SAMD12: variants seen among roughly 807,000 people sequenced by gnomAD.
The protein encoded by SAMD12 is sterile alpha motif domain-containing protein 12.
A neutral mutation model predicts 15.0 loss-of-function variants in SAMD12; 9 were observed. That is an observed-to-expected ratio of 0.60 (90% confidence interval 0.36 to 1.05). The LOEUF is 1.05. SAMD12 is among the 50% of genes least tolerant of loss of function. SAMD12 has a pLI of 0.01. For missense variants in SAMD12, 230 were observed against 234.2 expected (o/e 0.98, Z 0.12); for synonymous variants, 86 against 90.1 (o/e 0.96, Z 0.25).
Position 118,605,765 on chromosome 8 carries a change from AATATATATATATATATATATATATATAT to A in SAMD12, c.13+16011_13+16038del, listed in dbSNP as rs55785102. ...GTATGGCTGAAAACAAACCCATCACAATATATATATATATATATATATATATATATATATATATATATATATATATATA... is the reference window on the plus strand; with the variant it reads ...GTATGGCTGAAAACAAACCCATCACAATATATATATATATATATATATATA... On this transcript the variant is annotated intron_variant, in intron 1 of 3. Transcript: ENST00000314727. 9.6e-4 allele frequency among the ~76,000 whole-genome samples: 123 copies of A among 127,576 alleles called. 2 individuals carry two copies. Among genetic ancestry groups the A allele is most frequent in the African/African-American group, 2.5e-3 (86 of 34,456 alleles). The allele number at this position is 127,576 out of a possible 152,430, so 83.7% of individuals were successfully genotyped here.
intron 4 of SAMD12, among the ~76,000 whole-genome samples, chr8:118,281,370 T>C (rs1813642627): frequency 6.6e-6 from 1 of 152,200 alleles, no homozygotes; most frequent in Non-Finnish European, 1.5e-5. Flanking sequence ...CCGTGTGCAG[T>C]GGCTCCGAGG....
chr8:118,519,920 T>C (rs1452104788), intron 2 of SAMD12, among the ~76,000 whole-genome samples: 1 of 152,188 alleles, frequency 6.6e-6, no homozygotes, highest in Non-Finnish European at 1.5e-5. Flanking sequence ...ACCTTTAAGC[T>C]CAGAGCATTG....
chr8:118,236,399 G>A (rs775634352), intron 4 of SAMD12, among the ~76,000 whole-genome samples: 3 of 152,132 alleles, frequency 2.0e-5, no homozygotes, highest in Non-Finnish European at 4.4e-5. Context: ...TGCCTCAACC[G>A]TGAAAGAGTG....
At chr8:118,546,912 G>C (rs137943397) in intron 2 of SAMD12, among the ~76,000 whole-genome samples, 1 of 152,196 alleles carries the variant, frequency 6.6e-6, no homozygotes, top group East Asian at 1.9e-4. Context: ...CCAAATTCAG[G>C]CATTTAATTA....
intron 2 of SAMD12, among the ~76,000 whole-genome samples, chr8:118,577,452 G>A (rs1827181595): frequency 6.6e-6 from 1 of 152,114 alleles, no homozygotes; most frequent in African/African-American, 2.4e-5. Context: ...ACAGACTCTA[G>A]CATTGCCTGT....
At chr8:118,482,466 A>T (rs6469749) in intron 2 of SAMD12, among the ~76,000 whole-genome samples, 142,078 of 151,448 alleles carry the variant, frequency 0.94, 66,729 homozygotes, top group African/African-American at 0.95. Context: ...GGAAATATAT[A>T]TTTTTTTTAA....
At chr8:118,432,510 C>A (rs193289081) in intron 3 of SAMD12, among the ~76,000 whole-genome samples, 1 of 152,198 alleles carries the variant, frequency 6.6e-6, no homozygotes, top group Non-Finnish European at 1.5e-5. Context: ...AACCTGGGAA[C>A]CTAAACAGGA....
downstream of SAMD12, among the ~76,000 whole-genome samples, chr8:118,376,721 T>C (rs971717761): frequency 5.9e-5 from 9 of 152,150 alleles, no homozygotes; most frequent in African/African-American, 2.2e-4. Context: ...TCACCCTCTT[T>C]AAGAGGGAAG....
the SAMD12 span, among the ~76,000 whole-genome samples, chr8:118,163,730 C>G: frequency 3.0e-4 from 45 of 152,264 alleles, no homozygotes; most frequent in Admixed American, 9.8e-4. Flanking sequence ...AAAAAATTAG[C>G]CAGGCGCGGT....
intron 2 of SAMD12, among the ~76,000 whole-genome samples, chr8:118,458,130 C>A (rs1823314217): frequency 6.6e-6 from 1 of 152,192 alleles, no homozygotes; most frequent in South Asian, 2.1e-4. Flanking sequence ...AGACACACCA[C>A]AAATGCAGTT....
At chr8:118,400,094 C>A (rs996539555) in intron 3 of SAMD12, among the ~76,000 whole-genome samples, 2 of 152,150 alleles carry the variant, frequency 1.3e-5, no homozygotes, top group African/African-American at 4.8e-5. Flanking sequence ...ACTTGAGCAC[C>A]ATGTAAATCA....
chr8:118,373,706 G>A (rs766109448), downstream of SAMD12, among the ~76,000 whole-genome samples: 3 of 152,070 alleles, frequency 2.0e-5, no homozygotes, highest in South Asian at 6.2e-4. Context: ...GAATAATTAT[G>A]AAGGCATATG....
the SAMD12 span, among the ~76,000 whole-genome samples, chr8:118,182,698 A>G: frequency 2.6e-5 from 4 of 152,224 alleles, no homozygotes; most frequent in African/African-American, 9.6e-5. Context: ...TTGGTTTCCT[A>G]CTAAAGCCAT....
At chr8:118,327,233 T>C (rs1295188674) in intron 4 of SAMD12, among the ~76,000 whole-genome samples, 1 of 152,184 alleles carries the variant, frequency 6.6e-6, no homozygotes, top group Non-Finnish European at 1.5e-5. Context: ...CTGACAGAGA[T>C]CCAAATAATT....
chr8:118,351,324 C>G lies in SAMD12; in HGVS notation c.433+28236G>C, dbSNP rs6651162. Among the ~76,000 whole-genome samples the G allele has an allele frequency of 6.2e-3, 944 of 152,280 alleles. 12 individuals carry two copies. The highest frequency in any genetic ancestry group is 0.021 in the African/African-American group (893 of 41,542). ...CTCTCAACTCTGCCTACAGTTGTTG[C>G]TGATTAGATCAAAGCTGGGTCAATT... On this transcript the variant is annotated intron_variant, in intron 4 of 4. Transcript: ENST00000409003.
chr8:118,561,564 T>C (rs1826702474), intron 2 of SAMD12, among the ~76,000 whole-genome samples: 1 of 152,172 alleles, frequency 6.6e-6, no homozygotes, highest in Non-Finnish European at 1.5e-5. Context: ...CTTCTTCACA[T>C]GGCAGCAGCA....
At chr8:118,337,085 C>T (rs79777944) in intron 4 of SAMD12, among the ~76,000 whole-genome samples, 1 of 151,488 alleles carries the variant, frequency 6.6e-6, no homozygotes, top group African/African-American at 2.4e-5. Flanking sequence ...GGGTGCAGCA[C>T]ACCAACATGG....
chr8:118,337,646 C>T (rs1046123227), intron 4 of SAMD12, among the ~76,000 whole-genome samples: 8 of 152,284 alleles, frequency 5.3e-5, no homozygotes, highest in East Asian at 1.9e-4. Flanking sequence ...ATAAACTCAG[C>T]GTGTATCCAC....
chr8:118,162,432 C>A, the SAMD12 span, among the ~76,000 whole-genome samples: 2 of 151,376 alleles, frequency 1.3e-5, no homozygotes, highest in Admixed American at 6.6e-5. Flanking sequence ...AAGAGACTGT[C>A]AAGATTTCAA....
Sources: allele counts gnomAD v4.1 joint callset (sites outside exome capture counted in the v4.1 genomes callset), GRCh38; gene constraint gnomAD v4.1.1; transcripts MANE v1.5; gene names NCBI Gene and HGNC (gene_info 2026-07-23, HGNC 2026-07-21).